Variants in PVT1 observed in about 807,000 individuals in gnomAD.
PVT1 encodes CXCR4/PVT1 fusion.
chr8:128,046,414 T>C (rs2720710), intron 4 of PVT1, among the ~76,000 whole-genome samples: 1 of 152,212 alleles, frequency 6.6e-6, no homozygotes, highest in African/African-American at 2.4e-5. Flanking sequence ...GGATCTGAAG[T>C]CCGGGAGCCT....
At chr8:127,809,195 A>AT (rs1358840086) in intron 2 of PVT1, among the ~76,000 whole-genome samples, 1 of 151,828 alleles carries the variant, frequency 6.6e-6, no homozygotes, top group Admixed American at 6.6e-5. Flanking sequence ...GAAAGTTTTC[A>AT]TTTTTTTCTT....
chr8:127,867,196 T>C (rs905589246), intron 2 of PVT1, among the ~76,000 whole-genome samples: 2 of 152,236 alleles, frequency 1.3e-5, no homozygotes, highest in African/African-American at 4.8e-5. Context: ...TGGGCATGTG[T>C]TTGGCCTCAG....
intron 2 of PVT1, among the ~76,000 whole-genome samples, chr8:127,837,970 T>C (rs1393825021): frequency 6.6e-6 from 1 of 151,758 alleles, no homozygotes. Context: ...CAATCTCGGC[T>C]CACTGCAACC....
intron 2 of PVT1, among the ~76,000 whole-genome samples, chr8:127,796,849 A>C (rs939000648): frequency 1.3e-5 from 2 of 148,980 alleles, no homozygotes; most frequent in African/African-American, 2.5e-5. Context: ...GGCTGCAGAC[A>C]TAAGATTCTT....
intron 4 of PVT1, among the ~76,000 whole-genome samples, chr8:128,023,882 A>G (rs1383556995): frequency 6.6e-6 from 1 of 152,234 alleles, no homozygotes. Flanking sequence ...TTGAGAACAC[A>G]GCATGAGTGA....
chr8:127,915,612 C>CAAAAAAAAAAA (rs61238663), intron 3 of PVT1, among the ~76,000 whole-genome samples: 2 of 64,506 alleles, frequency 3.1e-5, no homozygotes, highest in African/African-American at 1.1e-4. Flanking sequence ...AACTCCATCT[C>CAAAAAAAAAAA]AAAAAAAAAA....
chr8:128,010,792 C>T (rs1817305586), intron 4 of PVT1, among the ~76,000 whole-genome samples: 1 of 152,260 alleles, frequency 6.6e-6, no homozygotes, highest in Non-Finnish European at 1.5e-5. Context: ...TCACATGTCC[C>T]GTCTTGTTGA....
intron 4 of PVT1, among the ~76,000 whole-genome samples, chr8:128,034,241 C>G (rs913225616): frequency 1.3e-5 from 2 of 148,350 alleles, no homozygotes; most frequent in South Asian, 2.3e-4. Context: ...AAACATAAAT[C>G]CAGGGATGTA....
intron 2 of PVT1, among the ~76,000 whole-genome samples, chr8:127,814,040 C>T (rs902331781): frequency 2.6e-5 from 4 of 152,206 alleles, no homozygotes; most frequent in African/African-American, 9.7e-5. Flanking sequence ...GCCTTGACCT[C>T]CCAAAGTGCT....
intron 4 of PVT1, among the ~76,000 whole-genome samples, chr8:128,034,015 C>T (rs1813429994): frequency 6.6e-6 from 1 of 151,704 alleles, no homozygotes; most frequent in Non-Finnish European, 1.5e-5. Flanking sequence ...CCTCCCCAGC[C>T]CTGCCGAGCT....
At chr8:127,868,984 G>A (rs73355284) in intron 2 of PVT1, among the ~76,000 whole-genome samples, 1,798 of 151,448 alleles carry the variant, frequency 0.012, 42 homozygotes, top group African/African-American at 0.041. Context: ...TTAAGAAGCT[G>A]TAGATGGCAG....
rs140662169 is a variant in PVT1 at position 128,005,033 on chromosome 8, G to T, written n.912+15742G>T. ...CACATGACTGTAATCCCAGCTACTC[G>T]GGAGGCTGAGGCAGGAGAATCGCTT... On this transcript the variant is annotated intron_variant and non_coding_transcript_variant, in intron 4 of 10. Coordinates refer to ENST00000651587, the Ensembl canonical transcript of PVT1. Among the ~76,000 whole-genome samples, 1,019 of 152,048 alleles carry T rather than the reference G, an allele frequency of 6.7e-3. 13 individuals are homozygous for T. The highest frequency in any genetic ancestry group is 0.023 in the African/African-American group (972 of 41,468).
At chr8:127,942,829 T>C (rs1311480312) in intron 3 of PVT1, among the ~76,000 whole-genome samples, 1 of 152,246 alleles carries the variant, frequency 6.6e-6, no homozygotes, top group Non-Finnish European at 1.5e-5. Context: ...CTTTAGGTAG[T>C]GGCTGTTCTG....
intron 3 of PVT1, among the ~76,000 whole-genome samples, chr8:127,937,548 GACACACACACACACACACAC>G (rs35147410): frequency 1.6e-5 from 2 of 122,632 alleles, no homozygotes; most frequent in Admixed American, 8.5e-5. Flanking sequence ...TAGGGAAAAA[GACACACACACACACACACAC>G]ACACACACAC....
chr8:127,860,714 G>C (rs550192218), intron 2 of PVT1, among the ~76,000 whole-genome samples: 1 of 146,918 alleles, frequency 6.8e-6, no homozygotes, highest in Non-Finnish European at 1.5e-5. Flanking sequence ...GTAGTAAGTC[G>C]AGATCACGCC....
At chr8:127,848,369 A>G (rs1359768224) in intron 2 of PVT1, among the ~76,000 whole-genome samples, 1 of 151,778 alleles carries the variant, frequency 6.6e-6, no homozygotes, top group Non-Finnish European at 1.5e-5. Context: ...TGGGCAACAT[A>G]GCAAGACCTC....
In PVT1 at chr8:127,915,913, T is replaced by C. The variant is rs533918295; in HGVS notation, n.782+24915T>C. Among the ~76,000 whole-genome samples the C allele has an allele frequency of 4.6e-5, 7 of 152,378 alleles. No homozygotes were observed. In the South Asian group the frequency reaches 1.4e-3, roughly 32 times the overall value. ...GTGCCATGGGTACATCACCTGACCC[T>C]GAAGAGCCCAGATCTATGTCTTTTC... On this transcript the variant is annotated intron_variant and non_coding_transcript_variant, in intron 3 of 10. Coordinates refer to ENST00000651587, the Ensembl canonical transcript of PVT1.
At chr8:128,042,955 G>A (rs978692254) in intron 4 of PVT1, among the ~76,000 whole-genome samples, 3 of 151,794 alleles carry the variant, frequency 2.0e-5, no homozygotes, top group Non-Finnish European at 4.4e-5. Flanking sequence ...GTAGAGACAG[G>A]GTTTCACCAT....
intron 4 of PVT1, among the ~76,000 whole-genome samples, chr8:128,014,513 A>G (rs990677227): frequency 3.0e-4 from 45 of 152,204 alleles, no homozygotes; most frequent in African/African-American, 9.7e-4. Flanking sequence ...CAAATAAAGT[A>G]CTTATTTCTG....
Sources: allele counts gnomAD v4.1 joint callset (sites outside exome capture counted in the v4.1 genomes callset), GRCh38; gene constraint gnomAD v4.1.1; transcripts MANE v1.5; gene names NCBI Gene and HGNC (gene_info 2026-07-23, HGNC 2026-07-21).